RP2: variants seen among roughly 807,000 people sequenced by gnomAD.
RP2 encodes the protein protein XRP2.
In RP2, 3 loss-of-function variants were observed where a neutral mutation model predicts 20.3. The observed-to-expected ratio is 0.15, with a 90% CI of 0.07 to 0.38. RP2 has a LOEUF of 0.38. Ranked by LOEUF, RP2 falls within the 10% of genes least tolerant of loss-of-function variation. The probability of loss-of-function intolerance (pLI) is 1.00; values close to 1 mark genes in which losing one functional copy is unlikely to be tolerated. For synonymous variants in RP2, 75 were observed against 94.8 expected (o/e 0.79, Z 1.22); for missense variants, 233 against 268.5 (o/e 0.87, Z 0.92).
chrX:46,853,545 G>C lies in RP2; in HGVS notation c.172G>C (p.Ala58Pro). 1 of 1,211,120 alleles carries C rather than the reference G, an allele frequency of 8.3e-7. No individual in the cohort carries two copies. The highest frequency in any genetic ancestry group is 1.1e-6 in the Non-Finnish European group (1 of 894,897). ...ETVGRLPGTV[A>P]GQQFLIQDCE... is the part of the protein sequence containing the mutation. ...AGTAGGTCGCTTACCTGGGACGGTA[G>C]CAGGACAACAGTTTCTCATTCAAGA... is the stretch of plus-strand genomic sequence containing the variant. Residue 58 changes from alanine (A) to proline (P), a missense_variant, in exon 2 of 5, where the codon GCA becomes CCA. Physicochemically the swap from Ala to Pro is conservative, Grantham distance 27 (BLOSUM62 -1). Coordinates refer to ENST00000218340, the MANE Select transcript of RP2 (RefSeq NM_006915.3).
intron 1 of RP2, among the ~76,000 whole-genome samples, chrX:46,847,709 T>C (rs190044115): frequency 1.2e-3 from 93 of 77,925 alleles, no homozygotes; most frequent in East Asian, 4.8e-3. Flanking sequence ...TGTGTATATA[T>C]ACACACATAT....
intron 1 of RP2, among the ~76,000 whole-genome samples, chrX:46,847,358 T>C (rs1924733520): frequency 9.0e-6 from 1 of 110,775 alleles, no homozygotes; most frequent in Non-Finnish European, 1.9e-5. Flanking sequence ...GAGCAAACAT[T>C]TTCAATTTGA....
chrX:46,860,351 T>G (rs1925041601), intron 3 of RP2, among the ~76,000 whole-genome samples: 1 of 111,100 alleles, frequency 9.0e-6, no homozygotes, highest in Admixed American at 9.7e-5. Flanking sequence ...CATTTTATTA[T>G]GTATCTTATT....
intron 3 of RP2, among the ~76,000 whole-genome samples, chrX:46,861,626 C>A (rs1435876640): frequency 9.0e-6 from 1 of 111,291 alleles, no homozygotes; most frequent in Non-Finnish European, 1.9e-5. Flanking sequence ...GGAAGGATTG[C>A]TTAAGGCCAG....
intron 1 of RP2, among the ~76,000 whole-genome samples, chrX:46,840,329 T>C (rs782027577): frequency 8.9e-6 from 1 of 111,860 alleles, no homozygotes; most frequent in South Asian, 3.7e-4. Context: ...GTTTGAGTTG[T>C]GTAATTGGGT....
At chrX:46,848,905 T>G (rs932963549) in intron 1 of RP2, among the ~76,000 whole-genome samples, 1 of 107,557 alleles carries the variant, frequency 9.3e-6, no homozygotes, top group Middle Eastern at 4.3e-3. Context: ...GGTGTGCACT[T>G]GTAGTCCCAG....
At chrX:46,858,912 G>A (rs1925016150) in intron 2 of RP2, among the ~76,000 whole-genome samples, 1 of 111,701 alleles carries the variant, frequency 9.0e-6, no homozygotes, top group Non-Finnish European at 1.9e-5. Context: ...AATCTTTTTA[G>A]GAATCATTTT....
chrX:46,872,842 A>G (rs1427464628), intron 3 of RP2, among the ~76,000 whole-genome samples: 1 of 110,937 alleles, frequency 9.0e-6, no homozygotes, highest in Non-Finnish European at 1.9e-5. Flanking sequence ...AGCTCAGGTG[A>G]TTCTTCTACC....
chrX:46,864,940 T>C (rs540337549), intron 3 of RP2, among the ~76,000 whole-genome samples: 2 of 112,415 alleles, frequency 1.8e-5, no homozygotes, highest in Admixed American at 9.5e-5. Flanking sequence ...TTGGCTTCTA[T>C]AGTAGTCTGA....
intron 3 of RP2, among the ~76,000 whole-genome samples, chrX:46,861,378 C>G (rs782809534): frequency 1.3e-4 from 14 of 111,607 alleles, no homozygotes; most frequent in Non-Finnish European, 2.4e-4. Flanking sequence ...AGAACTAAAA[C>G]CAATAAGCAG....
intron 3 of RP2, among the ~76,000 whole-genome samples, chrX:46,860,986 C>T (rs1234809077): frequency 8.9e-6 from 1 of 112,012 alleles, no homozygotes; most frequent in Non-Finnish European, 1.9e-5. Flanking sequence ...TTTGATAATA[C>T]TTCTGTGGTT....
chrX:46,880,640 A>G lies in RP2; in HGVS notation c.*871A>G, dbSNP rs781824616. The G allele has an allele frequency of 8.9e-5, 10 of 112,242 alleles. No homozygotes were observed. The highest frequency in any genetic ancestry group is 3.2e-4 in the African/African-American group (10 of 30,981). The allele number at this position is 112,242 out of a possible 1,213,427, so 9.3% of individuals were successfully genotyped here. A position where few individuals can be genotyped will look rare whatever the true frequency, so the allele number is the denominator to read the frequency against. ...TTTTAGGTAAGAAATAGGCATGATG[A>G]TAAGCTATGCAGATTATTAAAAAGC... On this transcript the variant is annotated 3_prime_UTR_variant, in exon 5 of 5. Transcript: ENST00000218340.
rs1264423780 is a variant in RP2, at chrX:46,881,000, A to G, written c.*1231A>G. 8.9e-6 allele frequency: 1 copy of G among 112,136 alleles called. No individual in the cohort carries two copies. Among genetic ancestry groups the G allele is most frequent in the African/African-American group, 3.2e-5 (1 of 30,891 alleles). The allele number at this position is 112,136 out of a possible 1,213,427, so 9.2% of individuals were successfully genotyped here. On this transcript the variant is annotated 3_prime_UTR_variant, in exon 5 of 5. Coordinates refer to ENST00000218340, the MANE Select transcript of RP2 (RefSeq NM_006915.3). ...AGCAGCTATTATGAAATCAGCTTTC[A>G]TAGGCCTATTTTTAAAAGGAATCTG...
chrX:46,875,819 CTTAG>C (rs1342902417), intron 3 of RP2, among the ~76,000 whole-genome samples: 1 of 111,300 alleles, frequency 9.0e-6, no homozygotes, highest in Non-Finnish European at 1.9e-5. Flanking sequence ...TCTAAGATTA[CTTAG>C]TTATTTTTAG....
At chrX:46,863,348 C>T (rs1556321007) in intron 3 of RP2, among the ~76,000 whole-genome samples, 1 of 112,232 alleles carries the variant, frequency 8.9e-6, no homozygotes, top group Non-Finnish European at 1.9e-5. Context: ...CAAATGTTAA[C>T]TTTTGGTGGG....
intron 1 of RP2, among the ~76,000 whole-genome samples, chrX:46,848,953 G>A (rs1373109658): frequency 9.3e-6 from 1 of 107,995 alleles, no homozygotes; most frequent in Non-Finnish European, 1.9e-5. Flanking sequence ...TTGCTTGAAC[G>A]GTGGAGGTCG....
rs1569532409 is a variant in RP2 at position 46,877,529 on chromosome X, A to G, written c.908A>G (p.Asn303Ser). ...NKGPVIALEF[N>S]GDGAVEVCQL... ...GGTCCTGTTATTGCCTTGGAGTTTA[A>G]TGGGGATGGTGCTGTAGAAGTATGT... The change falls in exon 4 of 5, where the codon AAT becomes AGT. Residue 303 changes from asparagine (N) to serine (S), a missense_variant. Physicochemically the swap from Asn to Ser is conservative, Grantham distance 46. Transcript: ENST00000218340. 8.3e-7 allele frequency: 1 copy of G among 1,207,918 alleles called. No homozygotes were observed. Among genetic ancestry groups the G allele is most frequent in the East Asian group, 3.0e-5 (1 of 33,840 alleles).
At chrX:46,876,716 G>A (rs970337142) in intron 3 of RP2, among the ~76,000 whole-genome samples, 2 of 110,930 alleles carry the variant, frequency 1.8e-5, no homozygotes, top group Non-Finnish European at 3.8e-5. Flanking sequence ...TGCAGCACAC[G>A]GTTACATTCA....
At chrX:46,865,163 T>C (rs1556322054) in intron 3 of RP2, among the ~76,000 whole-genome samples, 1 of 112,291 alleles carries the variant, frequency 8.9e-6, no homozygotes, top group Non-Finnish European at 1.9e-5. Context: ...CTACAGACTT[T>C]ATTCAAATTT....
Sources: allele counts gnomAD v4.1 joint callset (sites outside exome capture counted in the v4.1 genomes callset), GRCh38; gene constraint gnomAD v4.1.1; transcripts MANE v1.5; gene names NCBI Gene and HGNC (gene_info 2026-07-23, HGNC 2026-07-21).